ARHGAP10: variants seen among roughly 807,000 people sequenced by gnomAD.
ARHGAP10 encodes the protein Rho GTPase activating protein 10.
Under a neutral mutation model 108.6 loss-of-function variants are expected in ARHGAP10, and 87 were observed. The ratio of observed to expected loss-of-function variants is 0.80; its 90% CI spans 0.67 to 0.96. The LOEUF is 0.96. Among genes scored for constraint, ARHGAP10 ranks in the 40% least tolerant of loss-of-function variants. The probability of loss-of-function intolerance (pLI) is 0.00; values close to 1 mark genes in which losing one functional copy is unlikely to be tolerated. For synonymous variants in ARHGAP10, 347 were observed against 341.1 expected (o/e 1.02, Z -0.19); for missense variants, 939 against 954.5 (o/e 0.98, Z 0.21).
intron 3 of ARHGAP10, among the ~76,000 whole-genome samples, chr4:147,827,955 G>C (rs376680661): frequency 6.6e-6 from 1 of 152,016 alleles, no homozygotes; most frequent in Non-Finnish European, 1.5e-5. Flanking sequence ...ACAGGTGTGC[G>C]CCACCACGCC....
At chr4:148,018,546 A>G (rs1741435270) in intron 18 of ARHGAP10, among the ~76,000 whole-genome samples, 1 of 150,954 alleles carries the variant, frequency 6.6e-6, no homozygotes, top group Non-Finnish European at 1.5e-5. Context: ...TTTCAGAGAG[A>G]CCATCAGAGC....
chr4:147,789,414 TG>T (rs1560759504), intron 1 of ARHGAP10, among the ~76,000 whole-genome samples: 2 of 152,304 alleles, frequency 1.3e-5, no homozygotes, highest in East Asian at 3.9e-4. Flanking sequence ...TTCAGCCTCC[TG>T]GGTAGCTCGT....
chr4:147,820,876 C>G (rs1009850186), intron 1 of ARHGAP10, among the ~76,000 whole-genome samples: 4 of 152,136 alleles, frequency 2.6e-5, no homozygotes, highest in Non-Finnish European at 5.9e-5. Context: ...CAGGCGTGAA[C>G]CACCACACTG....
chr4:147,762,408 T>C (rs536863967), intron 1 of ARHGAP10, among the ~76,000 whole-genome samples: 1 of 152,272 alleles, frequency 6.6e-6, no homozygotes, highest in Admixed American at 6.5e-5. Flanking sequence ...TAATTAGTTT[T>C]AGAAGGTATG....
intron 14 of ARHGAP10, among the ~76,000 whole-genome samples, chr4:147,940,852 C>G (rs780813675): frequency 2.8e-4 from 42 of 152,184 alleles, no homozygotes; most frequent in Non-Finnish European, 5.9e-4. Flanking sequence ...TAATAAGCAA[C>G]AATCTTTTAT....
intron 16 of ARHGAP10, among the ~76,000 whole-genome samples, chr4:147,962,428 G>A (rs1034616378): frequency 2.4e-4 from 36 of 152,254 alleles, no homozygotes; most frequent in African/African-American, 8.4e-4. Context: ...TCTCATAATG[G>A]CCTTTTAAGA....
At chr4:148,057,639 C>T (rs1393103911) in intron 20 of ARHGAP10, among the ~76,000 whole-genome samples, 1 of 152,238 alleles carries the variant, frequency 6.6e-6, no homozygotes, top group Non-Finnish European at 1.5e-5. Context: ...TCAGCTTCAG[C>T]ATTAGCTCCG....
At chr4:147,746,496 G>A (rs1270342321) in intron 1 of ARHGAP10, among the ~76,000 whole-genome samples, 2 of 151,394 alleles carry the variant, frequency 1.3e-5, no homozygotes, top group Non-Finnish European at 2.9e-5. Context: ...CACCTCCTGG[G>A]TTCAAGTGAT....
intron 3 of ARHGAP10, among the ~76,000 whole-genome samples, chr4:147,836,507 G>A (rs781017946): frequency 1.3e-4 from 20 of 152,122 alleles, no homozygotes; most frequent in Admixed American, 2.6e-4. Flanking sequence ...TATGTGAGTC[G>A]TCTTTGGTCT....
At chr4:147,822,360 T>C (rs1579083792) in intron 1 of ARHGAP10, among the ~76,000 whole-genome samples, 1 of 152,248 alleles carries the variant, frequency 6.6e-6, no homozygotes, top group South Asian at 2.1e-4. Flanking sequence ...CACTATCAGG[T>C]GTGTGTGTTC....
intron 18 of ARHGAP10, among the ~76,000 whole-genome samples, chr4:147,990,740 A>G (rs1009967037): frequency 1.3e-5 from 2 of 152,212 alleles, no homozygotes; most frequent in African/African-American, 2.4e-5. Context: ...TAGGGACACA[A>G]AAAGGGAACA....
intron 18 of ARHGAP10, among the ~76,000 whole-genome samples, chr4:147,991,691 A>G (rs191184860): frequency 6.6e-6 from 1 of 152,350 alleles, no homozygotes; most frequent in East Asian, 1.9e-4. Context: ...GGAATGTTTT[A>G]TATCAGTTTA....
chr4:147,759,677 TA>T (rs1279400913), intron 1 of ARHGAP10, among the ~76,000 whole-genome samples: 3 of 151,886 alleles, frequency 2.0e-5, no homozygotes, highest in Non-Finnish European at 4.4e-5. Context: ...GTAACCAGCA[TA>T]AAAATGATTG....
At chr4:147,871,888 C>A (rs568830562) in intron 7 of ARHGAP10, among the ~76,000 whole-genome samples, 106 of 152,018 alleles carry the variant, frequency 7.0e-4, no homozygotes, top group Non-Finnish European at 1.3e-3. Flanking sequence ...ATCACTTGAG[C>A]CCCAGAGTTC....
At chr4:147,871,185 C>T (rs1052267115) in intron 7 of ARHGAP10, among the ~76,000 whole-genome samples, 1 of 152,116 alleles carries the variant, frequency 6.6e-6, no homozygotes, top group Non-Finnish European at 1.5e-5. Flanking sequence ...GTCTCGATCT[C>T]CTGATCTCGT....
intron 10 of ARHGAP10, among the ~76,000 whole-genome samples, chr4:147,884,865 A>G (rs925218287): frequency 2.6e-5 from 4 of 152,210 alleles, no homozygotes; most frequent in Non-Finnish European, 5.9e-5. Context: ...TAATCCATTA[A>G]ATAGTTTTAA....
intron 13 of ARHGAP10, among the ~76,000 whole-genome samples, chr4:147,930,064 G>A (rs549738633): frequency 1.3e-5 from 2 of 152,270 alleles, no homozygotes; most frequent in Non-Finnish European, 2.9e-5. Flanking sequence ...GTCAACACAC[G>A]TGAGTGCAAA....
chr4:148,027,043 A>G (rs1727894392), intron 19 of ARHGAP10, among the ~76,000 whole-genome samples: 1 of 152,240 alleles, frequency 6.6e-6, no homozygotes, highest in South Asian at 2.1e-4. Context: ...AGGAAAGTTC[A>G]GGAGGCTATA....
At chr4:147,792,716 G>A (rs935206158) in intron 1 of ARHGAP10, among the ~76,000 whole-genome samples, 2 of 151,954 alleles carry the variant, frequency 1.3e-5, no homozygotes, top group African/African-American at 4.8e-5. Flanking sequence ...TCTCATTCCT[G>A]TTCTTTTGTA....
Sources: allele counts gnomAD v4.1 joint callset (sites outside exome capture counted in the v4.1 genomes callset), GRCh38; gene constraint gnomAD v4.1.1; transcripts MANE v1.5; gene names NCBI Gene and HGNC (gene_info 2026-07-23, HGNC 2026-07-21).